Variants in BAZ1B observed in about 807,000 individuals in gnomAD.
BAZ1B encodes the protein tyrosine-protein kinase BAZ1B.
BAZ1B carries 22 observed loss-of-function variants against 153.8 expected under a neutral mutation model. The ratio of observed to expected loss-of-function variants is 0.14; its 90% CI spans 0.10 to 0.20. The LOEUF (loss-of-function observed/expected upper bound fraction) is 0.20. Ranked by LOEUF, BAZ1B falls within the 10% of genes least tolerant of loss-of-function variation. The probability of loss-of-function intolerance (pLI) is 1.00; values close to 1 mark genes in which losing one functional copy is unlikely to be tolerated. For missense variants in BAZ1B, 1,325 were observed against 1,799.3 expected, an observed-to-expected ratio of 0.74 and a Z score of 4.77; for synonymous variants, 676 against 633.4, an observed-to-expected ratio of 1.07 and a Z score of -1.01.
chr7:73,442,136 T>TACCCA, intron 19 of BAZ1B, 45 bp downstream of exon 19: 14 of 573,488 alleles, frequency 2.4e-5, no homozygotes, highest in Non-Finnish European at 3.2e-5. Context: ...CTCGCTCGCC[T>TACCCA]CCCTCCCACC....
intron 16 of BAZ1B, among the ~76,000 whole-genome samples, chr7:73,445,187 G>A (rs550934141): frequency 6.6e-6 from 1 of 152,264 alleles, no homozygotes; most frequent in South Asian, 2.1e-4. Context: ...CTTGGGGAGT[G>A]GGGAGATGAC....
At chr7:73,509,659 A>G (rs899951961) in intron 2 of BAZ1B, among the ~76,000 whole-genome samples, 8 of 151,782 alleles carry the variant, frequency 5.3e-5, no homozygotes, top group Non-Finnish European at 7.4e-5. Context: ...AGCTATGTGC[A>G]TACCACTGCA....
At chr7:73,446,162 G>A (rs1252626982) in intron 16 of BAZ1B, among the ~76,000 whole-genome samples, 2 of 152,196 alleles carry the variant, frequency 1.3e-5, no homozygotes. Context: ...AGTCATGCCA[G>A]GCATCCTCTC....
rs1385637428 is a variant in BAZ1B, at chr7:73,452,470, T to A, written c.3433-1476A>T. Among the ~76,000 whole-genome samples the A allele has an allele frequency of 2.0e-5, 3 of 152,202 alleles. No individual in the cohort carries two copies. The East Asian group carries it at 5.8e-4, about 29-fold the overall frequency. On this transcript the variant is annotated intron_variant, in intron 13 of 19. Transcript: ENST00000339594. ...CGGGCGTGGTGGCTCACACCTATAA[T>A]CCCAGCACTTTGGGAGGCCGAGGCG...
Position 73,450,316 on chromosome 7 carries a change from G to A in BAZ1B, c.3580+531C>T, listed in dbSNP as rs1323484206. On this transcript the variant is annotated intron_variant, in intron 14 of 19. Transcript: ENST00000339594. This position sits in a 1 kb window ranked among gnomAD's most constrained non-coding sequence, Gnocchi z 4.1. ...CTCCTTCCAACCTTCATTCTAGAGCGATTGAACGCTTTACAGCAACTGAAT... is the reference window on the plus strand; with the variant it reads ...CTCCTTCCAACCTTCATTCTAGAGCAATTGAACGCTTTACAGCAACTGAAT... Among the ~76,000 whole-genome samples, 4 of 152,254 alleles carry A rather than the reference G, an allele frequency of 2.6e-5. No homozygotes were observed. The highest frequency in any genetic ancestry group is 7.2e-5 in the African/African-American group (3 of 41,528).
At chr7:73,487,764 C>T (rs146658590) in intron 6 of BAZ1B, among the ~76,000 whole-genome samples, 61 of 152,218 alleles carry the variant, frequency 4.0e-4, no homozygotes, top group African/African-American at 1.4e-3. Context: ...CAAAAACAAA[C>T]ATCTGAGAAA....
chr7:73,461,987 G>T (rs1319773709), intron 12 of BAZ1B, among the ~76,000 whole-genome samples: 2 of 152,146 alleles, frequency 1.3e-5, no homozygotes, highest in Admixed American at 1.3e-4. Context: ...GGCTGGTCTC[G>T]ACCTGCTGGG....
chr7:73,499,696 T>C (rs1242451334), intron 3 of BAZ1B, among the ~76,000 whole-genome samples: 6 of 152,216 alleles, frequency 3.9e-5, no homozygotes, highest in African/African-American at 1.4e-4. Flanking sequence ...GGTGAGACCC[T>C]ATCTTGGGGC....
At chr7:73,457,446 G>A (rs1167288835) in intron 13 of BAZ1B, among the ~76,000 whole-genome samples, 1 of 152,124 alleles carries the variant, frequency 6.6e-6, no homozygotes, top group Non-Finnish European at 1.5e-5. Flanking sequence ...CCAAAGTGCT[G>A]AAATTACAGG....
chr7:73,467,671 T>C (rs1788647808), intron 9 of BAZ1B, among the ~76,000 whole-genome samples: 2 of 152,158 alleles, frequency 1.3e-5, no homozygotes, highest in East Asian at 1.9e-4. Flanking sequence ...GCATCCAGCC[T>C]CAGTTGGGTA....
At chr7:73,443,118 A>AG (rs1370961899) in intron 17 of BAZ1B, among the ~76,000 whole-genome samples, 1 of 152,182 alleles carries the variant, frequency 6.6e-6, no homozygotes, top group African/African-American at 2.4e-5. Context: ...GGTCGGCTGA[A>AG]GGGGGCTACT....
chr7:73,472,034 G>C (rs965648159), intron 7 of BAZ1B, among the ~76,000 whole-genome samples: 1 of 152,150 alleles, frequency 6.6e-6, no homozygotes, highest in Non-Finnish European at 1.5e-5. Context: ...GTTATCCAAA[G>C]ACCTGAACTC....
intron 16 of BAZ1B, among the ~76,000 whole-genome samples, chr7:73,445,819 C>A (rs1456375481): frequency 2.6e-5 from 4 of 152,104 alleles, no homozygotes; most frequent in Non-Finnish European, 5.9e-5. Context: ...AGTGATCATA[C>A]CAGTGCACTC....
In BAZ1B at chr7:73,478,336, G is replaced by C; in HGVS notation, c.1125C>G (p.Pro375=). ...HLEEMMKMMS[P]NKLHTNFHIP... ...TGTGAAAGTTAGTGTGCAGCTTATT[G>C]GGCGACATCATCTTCATCATTTCTT... The change falls in exon 7 of 20, where the codon CCC becomes CCG. Residue 375 remains proline, a synonymous_variant. Coordinates refer to ENST00000339594, the MANE Select transcript of BAZ1B (RefSeq NM_032408.4). 6.2e-7 allele frequency: 1 copy of C among 1,613,536 alleles called. No homozygotes were observed. Among genetic ancestry groups the C allele is most frequent in the Non-Finnish European group, 8.5e-7 (1 of 1,179,890 alleles).
intron 3 of BAZ1B, among the ~76,000 whole-genome samples, chr7:73,505,359 G>A (rs1172105152): frequency 1.3e-5 from 2 of 152,128 alleles, no homozygotes; most frequent in Non-Finnish European, 2.9e-5. Context: ...AGAACAGAAA[G>A]ACAGAGAAAG....
chr7:73,489,549 T>C (rs113722849), intron 5 of BAZ1B, among the ~76,000 whole-genome samples, 158 bp from the exon 6 acceptor site: 507 of 152,358 alleles, frequency 3.3e-3, no homozygotes, highest in Non-Finnish European at 5.0e-3. Context: ...GGATGGTTTC[T>C]TACACTTGTA....
intron 1 of BAZ1B, among the ~76,000 whole-genome samples, chr7:73,514,918 A>G (rs975514605): frequency 6.6e-6 from 1 of 151,794 alleles, no homozygotes; most frequent in Non-Finnish European, 1.5e-5. Flanking sequence ...TGTCTCTACT[A>G]AAAAACTAGC....
intron 11 of BAZ1B, among the ~76,000 whole-genome samples, chr7:73,464,452 A>G (rs1304767008): frequency 1.3e-5 from 2 of 152,202 alleles, no homozygotes; most frequent in Non-Finnish European, 2.9e-5. Flanking sequence ...CATCACCCCA[A>G]GCAGGAATCT....
At chr7:73,496,004 C>T (rs1408132309) in intron 4 of BAZ1B, among the ~76,000 whole-genome samples, 1 of 152,042 alleles carries the variant, frequency 6.6e-6, no homozygotes, top group Non-Finnish European at 1.5e-5. Flanking sequence ...TGAACTTAAA[C>T]GTTAAAAAAT....
Sources: gnomAD v4.1 joint callset for allele counts (sites outside exome capture counted in the v4.1 genomes callset) on GRCh38, gnomAD v4.1.1 for gene constraint, Gnocchi (gnomAD v3.1) non-coding constraint, MANE v1.5 for transcripts, NCBI Gene and HGNC (gene_info 2026-07-23, HGNC 2026-07-21) for gene names.